The following SORCS3 variants were observed in gnomAD, a reference collection of about 807,000 sequenced individuals.
SORCS3 encodes VPS10 domain-containing receptor SorCS3.
SORCS3 carries 57 observed loss-of-function variants against 146.3 expected under a neutral mutation model. That is an observed-to-expected ratio of 0.39 (90% CI 0.31 to 0.49). The LOEUF is 0.49. SORCS3 is among the 20% of genes least tolerant of loss of function. The pLI, the probability that SORCS3 is intolerant of heterozygous loss-of-function variation, is 0.92. For missense variants in SORCS3, 1,341 were observed against 1,575.5 expected (o/e 0.85, Z 2.52); for synonymous variants, 653 against 618.5 (o/e 1.06, Z -0.83).
chr10:104,695,358 T>C (rs938929219), intron 1 of SORCS3, among the ~76,000 whole-genome samples: 4 of 151,486 alleles, frequency 2.6e-5, no homozygotes, highest in African/African-American at 9.7e-5. Flanking sequence ...GTTAGGAAAC[T>C]TAGTCGATGG....
chr10:105,204,550 A>G (rs925385149), intron 16 of SORCS3, among the ~76,000 whole-genome samples: 13 of 152,160 alleles, frequency 8.5e-5, no homozygotes, highest in Non-Finnish European at 1.5e-4. Context: ...TATTTTATAG[A>G]ATTTTTTTTG....
intron 4 of SORCS3, among the ~76,000 whole-genome samples, chr10:105,004,728 T>C (rs540257713): frequency 5.7e-5 from 8 of 141,544 alleles, no homozygotes; most frequent in Middle Eastern, 4.2e-3. Flanking sequence ...AAAATGACTT[T>C]GGGGTGAGGG....
intron 5 of SORCS3, among the ~76,000 whole-genome samples, chr10:105,075,167 G>A (rs1023041202): frequency 2.0e-5 from 3 of 152,090 alleles, no homozygotes; most frequent in African/African-American, 7.2e-5. Flanking sequence ...ATTACATGTG[G>A]CATGGTGGCT....
At chr10:104,888,895 T>C (rs1414459280) in intron 2 of SORCS3, among the ~76,000 whole-genome samples, 1 of 152,186 alleles carries the variant, frequency 6.6e-6, no homozygotes, top group African/African-American at 2.4e-5. Context: ...ATTTACAAAA[T>C]CCAATTGTTT....
chr10:104,788,845 C>T (rs1225992894), intron 1 of SORCS3, among the ~76,000 whole-genome samples: 3 of 152,158 alleles, frequency 2.0e-5, no homozygotes, highest in African/African-American at 4.8e-5. Flanking sequence ...GAACTAGAAC[C>T]TGTCGGCTGA....
At chr10:105,182,538 A>T (rs12265470) in intron 14 of SORCS3, among the ~76,000 whole-genome samples, 48,031 of 152,006 alleles carry the variant, frequency 0.32, 7,692 homozygotes, top group South Asian at 0.42. Context: ...TTACTTAGTA[A>T]GATGAGTGCC....
chr10:105,053,743 A>G (rs889678400), intron 5 of SORCS3, among the ~76,000 whole-genome samples: 3 of 152,042 alleles, frequency 2.0e-5, no homozygotes, highest in Admixed American at 6.6e-5. Flanking sequence ...ATTATATTCT[A>G]ATCTATGGAT....
chr10:105,055,378 G>T (rs946319816), intron 5 of SORCS3, among the ~76,000 whole-genome samples: 3 of 152,134 alleles, frequency 2.0e-5, no homozygotes, highest in African/African-American at 7.2e-5. Flanking sequence ...TGTGAGTAAG[G>T]ATAAACACCT....
Position 104,660,827 on chromosome 10 carries a change from T to C in SORCS3, c.627+18873T>C, listed in dbSNP as rs116164803. Among the ~76,000 whole-genome samples the C allele has an allele frequency of 7.3e-3, 1,115 of 152,306 alleles. 11 individuals carry two copies. The highest frequency in any genetic ancestry group is 0.026 in the African/African-American group (1,070 of 41,562). ...GGTCCAGAGATGCCTATTTCCTGTC[T>C]GACTCATGCCTGAGCCTCAAAAAGC... On this transcript the variant is annotated intron_variant, in intron 1 of 26. Coordinates refer to ENST00000369701, the MANE Select transcript of SORCS3 (RefSeq NM_014978.3).
intron 20 of SORCS3, among the ~76,000 whole-genome samples, chr10:105,228,469 G>A (rs1293727820): frequency 7.0e-6 from 1 of 142,288 alleles, no homozygotes. Flanking sequence ...TTTCCCTCTT[G>A]CTTTCTTGAT....
At chr10:104,659,576 G>A (rs73330339) in intron 1 of SORCS3, among the ~76,000 whole-genome samples, 2,027 of 152,286 alleles carry the variant, frequency 0.013, 47 homozygotes, top group African/African-American at 0.046. Context: ...TGCTTGGATC[G>A]GAAGGACCTG....
rs151063258 is a variant in SORCS3, at chr10:104,841,978, G to A, written c.628-814G>A. On this transcript the variant is annotated intron_variant, in intron 1 of 26. Coordinates refer to ENST00000369701, the MANE Select transcript of SORCS3 (RefSeq NM_014978.3). ...TGGAGCTGTGCCTAAGCCACTGCCC[G>A]GATGCATGAGAGGCAGGTAGGGCAA... Among the ~76,000 whole-genome samples the A allele has an allele frequency of 6.7e-3, 1,020 of 152,270 alleles. 16 individuals are homozygous for A. The highest frequency in any genetic ancestry group is 0.023 in the African/African-American group (966 of 41,552).
At chr10:104,654,008 AGTT>A (rs1320559571) in intron 1 of SORCS3, among the ~76,000 whole-genome samples, 7 of 151,728 alleles carry the variant, frequency 4.6e-5, no homozygotes, top group African/African-American at 1.7e-4. Flanking sequence ...GCATGGGTTC[AGTT>A]GTTTTCATTT....
chr10:105,247,108 T>G, intron 21 of SORCS3, 111 bp from the exon 22 acceptor site: 1 of 484,818 alleles, frequency 2.1e-6, no homozygotes, highest in Non-Finnish European at 3.7e-6. Flanking sequence ...AGAAGCCTGG[T>G]GAAAGAGTAG....
chr10:105,063,614 C>T (rs1437377290), intron 5 of SORCS3, among the ~76,000 whole-genome samples: 1 of 152,196 alleles, frequency 6.6e-6, no homozygotes, highest in Non-Finnish European at 1.5e-5. Context: ...CCTGAATTTG[C>T]TTTTACATGT....
At chr10:105,159,587 T>C (rs550366800) in intron 11 of SORCS3, among the ~76,000 whole-genome samples, 5 of 152,220 alleles carry the variant, frequency 3.3e-5, no homozygotes, top group Non-Finnish European at 7.3e-5. Context: ...CCGGGGAGTA[T>C]GCTCTGATTA....
chr10:104,729,959 G>T (rs1262267259), intron 1 of SORCS3, among the ~76,000 whole-genome samples: 1 of 152,196 alleles, frequency 6.6e-6, no homozygotes, highest in Admixed American at 6.5e-5. Flanking sequence ...TGGGCCAAGA[G>T]AACTTGACCT....
intron 3 of SORCS3, among the ~76,000 whole-genome samples, chr10:104,931,946 T>C (rs1589554541): frequency 6.6e-6 from 1 of 152,174 alleles, no homozygotes; most frequent in African/African-American, 2.4e-5. Flanking sequence ...AGCATAGATA[T>C]GCATGAGAGA....
At chr10:105,263,114 A>C (rs2056971357) in intron 26 of SORCS3, among the ~76,000 whole-genome samples, 196 bp from the exon 27 acceptor site, 1 of 152,224 alleles carries the variant, frequency 6.6e-6, no homozygotes, top group Admixed American at 6.5e-5. Context: ...CCTGTGGGCT[A>C]GTGTGGGAGG....
Sources: allele counts gnomAD v4.1 joint callset (sites outside exome capture counted in the v4.1 genomes callset), GRCh38; gene constraint gnomAD v4.1.1; transcripts MANE v1.5; gene names NCBI Gene and HGNC (gene_info 2026-07-23, HGNC 2026-07-21).